IGSF11: variants seen among roughly 807,000 people sequenced by gnomAD.
IGSF11 encodes CXADR like 1.
IGSF11 carries 22 observed loss-of-function variants against 41.0 expected under a neutral mutation model. That is an observed-to-expected ratio of 0.54 (90% confidence interval 0.38 to 0.77). The LOEUF (loss-of-function observed/expected upper bound fraction) is 0.77. IGSF11 is among the 30% of genes least tolerant of loss of function. The probability of loss-of-function intolerance (pLI) is 0.00; values close to 1 mark genes in which losing one functional copy is unlikely to be tolerated. For missense variants in IGSF11, 444 were observed against 530.8 expected, an observed-to-expected ratio of 0.84 and a Z score of 1.61; for synonymous variants, 219 against 201.3, an observed-to-expected ratio of 1.09 and a Z score of -0.74.
At chr3:119,131,193 A>G (rs2077476442) in intron 1 of IGSF11, among the ~76,000 whole-genome samples, 1 of 152,224 alleles carries the variant, frequency 6.6e-6, no homozygotes, top group African/African-American at 2.4e-5. Flanking sequence ...AGCTGGACAG[A>G]GAATGACTTT....
At chr3:118,999,988 A>G (rs1334156833) in intron 1 of IGSF11, among the ~76,000 whole-genome samples, 1 of 151,906 alleles carries the variant, frequency 6.6e-6, no homozygotes, top group African/African-American at 2.4e-5. Flanking sequence ...AAATTCAAAT[A>G]GATACTCCCA....
intron 1 of IGSF11, among the ~76,000 whole-genome samples, chr3:119,007,932 G>T (rs859021): frequency 6.6e-6 from 1 of 151,690 alleles, no homozygotes; most frequent in African/African-American, 2.4e-5. Context: ...TATATGCTTC[G>T]GCTTCAAATC....
At chr3:119,004,217 T>C (rs1451637245) in intron 1 of IGSF11, among the ~76,000 whole-genome samples, 2 of 151,096 alleles carry the variant, frequency 1.3e-5, no homozygotes, top group East Asian at 3.9e-4. Flanking sequence ...GAGGAATGTA[T>C]CCATTTCTTC....
intron 1 of IGSF11, among the ~76,000 whole-genome samples, chr3:118,966,186 T>C (rs933440908): frequency 8.5e-5 from 13 of 152,162 alleles, no homozygotes; most frequent in Admixed American, 7.9e-4. Flanking sequence ...GATCAACAAT[T>C]ACTTAATTAA....
chr3:118,966,917 T>C (rs570578760), intron 1 of IGSF11, among the ~76,000 whole-genome samples: 34 of 151,970 alleles, frequency 2.2e-4, no homozygotes, highest in Non-Finnish European at 4.6e-4. Flanking sequence ...GCACAGGAGG[T>C]GGTAACACAG....
At position 118,904,774 on chromosome 3, in the gene IGSF11, A is replaced by T; in HGVS notation, c.728T>A (p.Ile243Lys). The T allele has an allele frequency of 6.2e-7, 1 of 1,612,524 alleles. No homozygotes were observed. The highest frequency in any genetic ancestry group is 8.5e-7 in the Non-Finnish European group (1 of 1,179,480). Residue 243 changes from isoleucine (I) to lysine (K), a missense_variant, in exon 6 of 7, where the codon ATA (isoleucine) becomes AAA (lysine). Around this residue, in one of 3 missense-constraint regions of IGSF11, gnomAD observed 193 missense variants for 283.5 expected, o/e 0.68. Transcript: ENST00000393775. The stretch of plus-strand genomic sequence containing the variant: ...TGCACCAGTGCCAATGGCTCCAGCT[A>T]TTAGTCCAATGTTCCTGGGCTGGGC... ...ISPQPRNIGL[I>K]AGAIGTGAVI...
chr3:118,902,727 A>G lies in IGSF11; in HGVS notation c.1089T>C (p.His363=). ...NIPSIYANGT[H]LVPGQHKTLV... ...GAGTCTTATGTTGACCCGGGACCAG[A>G]TGGGTCCCATTAGCATAAATGGATG... The change falls in exon 7 of 7, where the codon CAT becomes CAC. Residue 363 remains histidine, a synonymous_variant. Coordinates refer to ENST00000393775, the MANE Select transcript of IGSF11 (RefSeq NM_001015887.3). 3.1e-6 allele frequency: 5 copies of G among 1,613,888 alleles called. No homozygotes were observed. The highest frequency in any genetic ancestry group is 3.3e-4 in the Middle Eastern group (2 of 6,062).
rs1938750584 is a variant in IGSF11 at position 118,900,714 on chromosome 3, G to A, written c.*1806C>T. 1 of 152,496 alleles carries A rather than the reference G, an allele frequency of 6.6e-6. No homozygotes were observed. Among genetic ancestry groups the A allele is most frequent in the Non-Finnish European group, 1.5e-5 (1 of 68,020 alleles). 9.4% of individuals were successfully genotyped at this position (152,496 alleles called of 1,614,324 possible). A position where few individuals can be genotyped will look rare whatever the true frequency, so the allele number is the denominator to read the frequency against. On this transcript the variant is annotated 3_prime_UTR_variant, in exon 7 of 7. Transcript: ENST00000393775. ...GATAAATGCTTTCTAAACAGCATCT[G>A]ATAGCATCATCTTTTCAGTGTCATG...
intron 1 of IGSF11, among the ~76,000 whole-genome samples, chr3:119,032,861 A>G (rs1940546552): frequency 6.6e-6 from 1 of 152,212 alleles, no homozygotes; most frequent in Non-Finnish European, 1.5e-5. Flanking sequence ...GCGTCTTTGT[A>G]TTCCACCACC....
intron 1 of IGSF11, among the ~76,000 whole-genome samples, chr3:118,935,707 A>G (rs1943220444): frequency 6.6e-6 from 1 of 152,150 alleles, no homozygotes; most frequent in East Asian, 1.9e-4. Flanking sequence ...GGGTCTTCTT[A>G]GGCCTAACAA....
At chr3:119,041,977 GAGAAA>G (rs757306313) in intron 1 of IGSF11, among the ~76,000 whole-genome samples, 5 of 152,006 alleles carry the variant, frequency 3.3e-5, no homozygotes, top group Non-Finnish European at 5.9e-5. Context: ...AGAATGATAG[GAGAAA>G]AGAAAAGAAA....
chr3:118,910,005 CAAG>C (rs1350108989), intron 4 of IGSF11, among the ~76,000 whole-genome samples: 4 of 152,272 alleles, frequency 2.6e-5, no homozygotes, highest in South Asian at 4.1e-4. Flanking sequence ...TAGCAACATA[CAAG>C]AAGGCCATGA....
intron 1 of IGSF11, among the ~76,000 whole-genome samples, chr3:119,127,844 A>G (rs2077424027): frequency 6.6e-6 from 1 of 152,202 alleles, no homozygotes; most frequent in African/African-American, 2.4e-5. Context: ...CTTTCTAGAC[A>G]AGCAAATGCT....
chr3:119,104,420 C>T (rs2076988090), intron 1 of IGSF11, among the ~76,000 whole-genome samples: 1 of 152,160 alleles, frequency 6.6e-6, no homozygotes, highest in African/African-American at 2.4e-5. Flanking sequence ...CTGGAATAGG[C>T]TTCTCCTGAC....
chr3:119,116,810 C>T lies in IGSF11; in HGVS notation c.-13-11605G>A, dbSNP rs1024986366. Among the ~76,000 whole-genome samples the T allele has an allele frequency of 7.9e-5, 12 of 152,118 alleles. 1 individual carries two copies. The highest frequency in any genetic ancestry group is 2.9e-4 in the African/African-American group (12 of 41,426). On this transcript the variant is annotated intron_variant, in intron 1 of 7. Coordinates refer to the IGSF11 transcript ENST00000425327. ...TGAGATATCTTTCCAGAATTTTTTGCATATCTGACACCCATGTCTCCACCT... is the reference window on the plus strand; with the variant it reads ...TGAGATATCTTTCCAGAATTTTTTGTATATCTGACACCCATGTCTCCACCT...
intron 1 of IGSF11, among the ~76,000 whole-genome samples, chr3:119,077,066 C>T (rs1016779530): frequency 2.0e-5 from 3 of 152,176 alleles, no homozygotes; most frequent in Non-Finnish European, 4.4e-5. Context: ...GGCACATATA[C>T]ACCATGGAAT....
At chr3:119,105,236 C>T, upstream of IGSF11, 2 of 1,282,634 alleles carry the variant, frequency 1.6e-6, no homozygotes, top group Non-Finnish European at 1.1e-6. Context: ...GGAAGAGAGA[C>T]TTTATGTCAT....
In IGSF11 at chr3:119,093,412, T is replaced by A. The variant is rs575175275; in HGVS notation, c.49+11732A>T. Among the ~76,000 whole-genome samples the A allele has an allele frequency of 8.5e-5, 13 of 152,258 alleles. No homozygotes were observed. The South Asian group carries it at 2.7e-3, about 32-fold the overall frequency. On this transcript the variant is annotated intron_variant, in intron 1 of 6. Transcript: ENST00000354673. ...CATGGGCTTCTGAGACCCGTTTTTT[T>A]TTTTTTAAACCTGACCGTTAAACTT...
intron 1 of IGSF11, among the ~76,000 whole-genome samples, chr3:119,139,416 G>A (rs1304225232): frequency 3.3e-5 from 5 of 152,174 alleles, no homozygotes; most frequent in Non-Finnish European, 5.9e-5. Flanking sequence ...TAATTCCCAC[G>A]TGTTGTAGGA....
Sources: gnomAD v4.1 joint callset for allele counts (sites outside exome capture counted in the v4.1 genomes callset) on GRCh38, gnomAD v4.1.1 for gene constraint, gnomAD v4.1.1 regional missense constraint, MANE v1.5 for transcripts, NCBI Gene and HGNC (gene_info 2026-07-23, HGNC 2026-07-21) for gene names.